Variants in PCDH17 observed in about 807,000 individuals in gnomAD.
PCDH17 encodes protocadherin-17.
A neutral mutation model predicts 67.7 loss-of-function variants in PCDH17; 21 were observed. The observed-to-expected ratio is 0.31, with a 90% CI of 0.22 to 0.45. PCDH17 has a LOEUF of 0.45. Ranked by LOEUF, PCDH17 falls within the 20% of genes least tolerant of loss-of-function variation. PCDH17 has a pLI of 1.00. For synonymous variants in PCDH17, 701 were observed against 656.7 expected (o/e 1.07, Z -1.03); for missense variants, 1,471 against 1,564.8 (o/e 0.94, Z 1.01).
intron 1 of PCDH17, among the ~76,000 whole-genome samples, chr13:57,639,291 CTT>C (rs1954862262): frequency 6.6e-6 from 1 of 151,730 alleles, no homozygotes; most frequent in South Asian, 2.1e-4. Flanking sequence ...AGTAAATAAA[CTT>C]AATTTAAAAT....
intron 3 of PCDH17, among the ~76,000 whole-genome samples, chr13:57,710,512 A>C (rs1159484475): frequency 1.3e-5 from 2 of 151,910 alleles, no homozygotes; most frequent in Admixed American, 6.6e-5. Context: ...CTTGGAAAAC[A>C]CATTAACATT....
intron 3 of PCDH17, among the ~76,000 whole-genome samples, chr13:57,694,723 T>G (rs1013913627): frequency 6.6e-6 from 1 of 151,224 alleles, no homozygotes; most frequent in African/African-American, 2.4e-5. Flanking sequence ...TTTTTAACCT[T>G]TTTAAAAATT....
chr13:57,659,103 T>TTGTGTGTG (rs71083322), intron 1 of PCDH17, among the ~76,000 whole-genome samples: 19,724 of 139,724 alleles, frequency 0.14, 1,560 homozygotes, highest in Admixed American at 0.19. Context: ...GTTATTTATA[T>TTGTGTGTG]TGTGTGTGTG....
chr13:57,722,228 C>CT (rs1955877390), intron 3 of PCDH17, among the ~76,000 whole-genome samples: 1 of 152,132 alleles, frequency 6.6e-6, no homozygotes, highest in Admixed American at 6.6e-5. Context: ...ATTATTCTTT[C>CT]TTTTTCTGTG....
intron 3 of PCDH17, among the ~76,000 whole-genome samples, chr13:57,674,499 A>G (rs1178112383): frequency 6.6e-6 from 1 of 151,390 alleles, no homozygotes; most frequent in Non-Finnish European, 1.5e-5. Context: ...TAATTTTTCA[A>G]ATTTATTTAT....
In PCDH17 at chr13:57,719,098, A is replaced by C. The variant is rs1027716202; in HGVS notation, c.2798-5514A>C. 2.4e-4 allele frequency among the ~76,000 whole-genome samples: 37 copies of C among 152,020 alleles called. 1 individual carries two copies. The highest frequency in any genetic ancestry group is 8.0e-4 in the African/African-American group (33 of 41,438). On this transcript the variant is annotated intron_variant, in intron 3 of 3. Transcript: ENST00000377918. Reference sequence around the variant, plus strand: ...TGATTTGGAAGACAGCTAATTAGATATTATGAAAGCTTACATTGTTGAAAG... The same window carrying C: ...TGATTTGGAAGACAGCTAATTAGATCTTATGAAAGCTTACATTGTTGAAAG...
intron 3 of PCDH17, among the ~76,000 whole-genome samples, chr13:57,703,764 C>T (rs923663515): frequency 5.9e-5 from 9 of 152,064 alleles, no homozygotes; most frequent in Admixed American, 5.2e-4. Flanking sequence ...AGTTCAGCCA[C>T]CCTATGAGTT....
At chr13:57,709,314 G>C (rs577519836) in intron 3 of PCDH17, among the ~76,000 whole-genome samples, 1 of 151,500 alleles carries the variant, frequency 6.6e-6, no homozygotes, top group Non-Finnish European at 1.5e-5. Context: ...AATTTTTGGG[G>C]CCTGCTTGTT....
chr13:57,663,902 T>A (rs1280435432), intron 1 of PCDH17, among the ~76,000 whole-genome samples: 1 of 151,970 alleles, frequency 6.6e-6, no homozygotes, highest in Non-Finnish European at 1.5e-5. Flanking sequence ...TTCCTCAGAT[T>A]TCTGTTTGTT....
At chr13:57,640,467 A>G (rs2137981980) in intron 1 of PCDH17, among the ~76,000 whole-genome samples, 1 of 152,174 alleles carries the variant, frequency 6.6e-6, no homozygotes, top group Non-Finnish European at 1.5e-5. Flanking sequence ...GTCCAATTTT[A>G]TACATTTTAG....
chr13:57,631,257 C>T (rs533662831), upstream of PCDH17, among the ~76,000 whole-genome samples: 1 of 152,050 alleles, frequency 6.6e-6, no homozygotes, highest in African/African-American at 2.4e-5. Context: ...GAAGGAGATG[C>T]TGAATAGAAA....
intron 1 of PCDH17, among the ~76,000 whole-genome samples, chr13:57,652,081 A>G (rs1407123918): frequency 6.6e-6 from 1 of 151,634 alleles, no homozygotes; most frequent in Non-Finnish European, 1.5e-5. Context: ...GATCGAGACC[A>G]TCCTGGCTAA....
chr13:57,685,303 T>C (rs991486328), intron 3 of PCDH17, among the ~76,000 whole-genome samples: 2 of 152,010 alleles, frequency 1.3e-5, no homozygotes, highest in Non-Finnish European at 2.9e-5. Context: ...GTAAAATCTA[T>C]ATAGCAATAA....
At chr13:57,682,433 T>C (rs1230100787) in intron 3 of PCDH17, among the ~76,000 whole-genome samples, 1 of 151,782 alleles carries the variant, frequency 6.6e-6, no homozygotes, top group Non-Finnish European at 1.5e-5. Flanking sequence ...CTGCTTGCGA[T>C]GTAAATCAGG....
At chr13:57,644,015 T>G (rs1337160734) in intron 1 of PCDH17, among the ~76,000 whole-genome samples, 2 of 151,560 alleles carry the variant, frequency 1.3e-5, no homozygotes, top group African/African-American at 4.8e-5. Context: ...AAGTGTAGAG[T>G]GAGATACAGG....
At chr13:57,685,629 A>G (rs1214023702) in intron 3 of PCDH17, among the ~76,000 whole-genome samples, 1 of 152,026 alleles carries the variant, frequency 6.6e-6, no homozygotes, top group Non-Finnish European at 1.5e-5. Context: ...GTTGAGTATA[A>G]AAGTTGGTTG....
intron 3 of PCDH17, 61 bp downstream of exon 3, chr13:57,666,894 T>A: frequency 2.2e-6 from 3 of 1,337,918 alleles, no homozygotes; most frequent in Non-Finnish European, 3.1e-6. Context: ...ATAAACCTAT[T>A]AGATCTAGAG....
chr13:57,688,304 C>T (rs540347867), intron 3 of PCDH17, among the ~76,000 whole-genome samples: 1 of 151,652 alleles, frequency 6.6e-6, no homozygotes, highest in Non-Finnish European at 1.5e-5. Flanking sequence ...CAGAGTGAGA[C>T]CCTGTCTCAA....
At chr13:57,663,207 C>G (rs1955205527) in intron 1 of PCDH17, among the ~76,000 whole-genome samples, 1 of 151,912 alleles carries the variant, frequency 6.6e-6, no homozygotes, top group Non-Finnish European at 1.5e-5. Flanking sequence ...ATATATTTAT[C>G]ATATAAAAGT....
Sources: allele counts gnomAD v4.1 joint callset (sites outside exome capture counted in the v4.1 genomes callset), GRCh38; gene constraint gnomAD v4.1.1; transcripts MANE v1.5; gene names NCBI Gene and HGNC (gene_info 2026-07-23, HGNC 2026-07-21).